Variants in XYLT1 observed in about 807,000 individuals in gnomAD.
The protein encoded by XYLT1 is xylosyltransferase 1, also known as beta-D-xylosyltransferase 1.
A neutral mutation model predicts 91.3 loss-of-function variants in XYLT1; 36 were observed. The ratio of observed to expected loss-of-function variants is 0.39; its 90% confidence interval spans 0.30 to 0.52. The LOEUF (loss-of-function observed/expected upper bound fraction) is 0.52. Among genes scored for constraint, XYLT1 ranks in the 20% least tolerant of loss-of-function variants. The pLI is 0.68. For synonymous variants in XYLT1, 588 were observed against 532.0 expected, an observed-to-expected ratio of 1.11 and a Z score of -1.45; for missense variants, 1,242 against 1,284.5, an observed-to-expected ratio of 0.97 and a Z score of 0.51.
chr16:17,390,967 G>A (rs553020214), intron 1 of XYLT1, among the ~76,000 whole-genome samples: 2 of 152,304 alleles, frequency 1.3e-5, no homozygotes, highest in South Asian at 4.1e-4. Context: ...GAACCTGGGA[G>A]ATAGAGGTTG....
chr16:17,450,367 A>C (rs1340161726), intron 1 of XYLT1, among the ~76,000 whole-genome samples: 3 of 150,886 alleles, frequency 2.0e-5, no homozygotes, highest in African/African-American at 7.3e-5. Flanking sequence ...ACAAACAAAA[A>C]AAAAAAGGTG....
At chr16:17,232,116 A>G (rs1268961121) in intron 3 of XYLT1, among the ~76,000 whole-genome samples, 2 of 145,130 alleles carry the variant, frequency 1.4e-5, no homozygotes, top group East Asian at 3.9e-4. Flanking sequence ...ATCGATAATT[A>G]TATATATTAT....
At chr16:17,241,245 G>A (rs1387316805) in intron 3 of XYLT1, among the ~76,000 whole-genome samples, 1 of 152,226 alleles carries the variant, frequency 6.6e-6, no homozygotes, top group Non-Finnish European at 1.5e-5. Context: ...TGCAGTTCCT[G>A]TGTTCACGGC....
At chr16:17,436,719 A>G (rs758132954) in intron 1 of XYLT1, among the ~76,000 whole-genome samples, 17 of 152,258 alleles carry the variant, frequency 1.1e-4, no homozygotes, top group Non-Finnish European at 2.1e-4. Flanking sequence ...CAATATGATT[A>G]AATGAGATGC....
At chr16:17,215,231 C>T (rs748266728) in intron 3 of XYLT1, among the ~76,000 whole-genome samples, 2 of 152,188 alleles carry the variant, frequency 1.3e-5, no homozygotes, top group African/African-American at 2.4e-5. Context: ...TGGTAGGCAC[C>T]TGTAATCCCA....
chr16:17,173,993 C>T (rs2031884972), intron 5 of XYLT1, among the ~76,000 whole-genome samples: 1 of 152,030 alleles, frequency 6.6e-6, no homozygotes, highest in Non-Finnish European at 1.5e-5. Context: ...TGGCAGGCTT[C>T]CCCAGGCTGC....
chr16:17,411,720 A>C (rs1421113255), intron 1 of XYLT1, among the ~76,000 whole-genome samples: 1 of 152,180 alleles, frequency 6.6e-6, no homozygotes, highest in East Asian at 1.9e-4. Context: ...GTTGTGGTAC[A>C]TTCGGCTTCA....
intron 1 of XYLT1, among the ~76,000 whole-genome samples, chr16:17,372,977 T>A (rs1231074368): frequency 6.6e-6 from 1 of 152,194 alleles, no homozygotes; most frequent in Non-Finnish European, 1.5e-5. Flanking sequence ...TCTAACACGT[T>A]CTTGACCTCA....
chr16:17,153,884 C>T (rs887495666), intron 6 of XYLT1, among the ~76,000 whole-genome samples: 1 of 152,136 alleles, frequency 6.6e-6, no homozygotes, highest in Non-Finnish European at 1.5e-5. Flanking sequence ...CTGCACACCT[C>T]GAGAGCGTAA....
rs141328796 is a variant in XYLT1 at position 17,122,067 on chromosome 16, C to A, written c.2224-4088G>T. Among the ~76,000 whole-genome samples, 473 of 152,152 alleles carry A rather than the reference C, an allele frequency of 3.1e-3. 1 individual carries two copies. Among genetic ancestry groups the A allele is most frequent in the Middle Eastern group, 0.01 (3 of 294 alleles). On this transcript the variant is annotated intron_variant, in intron 10 of 11. Coordinates refer to ENST00000261381, the MANE Select transcript of XYLT1 (RefSeq NM_022166.4). ...TGTGAATTGTGCTGCTATAAACATGCGTGTGCAAGAATCTTTTTTGTATAA... is the reference window on the plus strand; with the variant it reads ...TGTGAATTGTGCTGCTATAAACATGAGTGTGCAAGAATCTTTTTTGTATAA...
intron 6 of XYLT1, among the ~76,000 whole-genome samples, chr16:17,155,526 C>A (rs2031384864): frequency 6.6e-6 from 1 of 152,212 alleles, no homozygotes; most frequent in Non-Finnish European, 1.5e-5. Flanking sequence ...AGAACTTGAG[C>A]AAGCCACGCC....
chr16:17,413,050 G>C (rs2036132401), intron 1 of XYLT1, among the ~76,000 whole-genome samples: 1 of 152,176 alleles, frequency 6.6e-6, no homozygotes, highest in South Asian at 2.1e-4. Context: ...CCACAAGCTG[G>C]ATGAGGTCAA....
chr16:17,454,900 T>TACTCC (rs1567209169), intron 1 of XYLT1, among the ~76,000 whole-genome samples: 1 of 81,104 alleles, frequency 1.2e-5, no homozygotes, highest in Non-Finnish European at 2.2e-5. Flanking sequence ...TATCATTCTT[T>TACTCC]CCTCCCCCCC....
intron 1 of XYLT1, among the ~76,000 whole-genome samples, chr16:17,454,512 C>G (rs2036709440): frequency 6.6e-6 from 1 of 151,558 alleles, no homozygotes; most frequent in Non-Finnish European, 1.5e-5. Flanking sequence ...TGGCTGTGTT[C>G]CAATAAAGCT....
chr16:17,201,550 T>C (rs147263541), intron 3 of XYLT1, among the ~76,000 whole-genome samples: 201 of 151,748 alleles, frequency 1.3e-3, no homozygotes, highest in African/African-American at 4.6e-3. Flanking sequence ...TCTTGGCTCA[T>C]TGCAACCTCC....
intron 2 of XYLT1, among the ~76,000 whole-genome samples, chr16:17,336,766 T>A (rs933901127): frequency 6.6e-6 from 1 of 152,168 alleles, no homozygotes; most frequent in East Asian, 1.9e-4. Context: ...ACAGGGACTT[T>A]CGTATGTGTG....
rs550834189 is a variant in XYLT1 at position 17,189,873 on chromosome 16, C to A, written c.1289+8339G>T. On this transcript the variant is annotated intron_variant, in intron 5 of 11. Transcript: ENST00000261381. ...ACCAGACTGACCAACATGGTGAAAC[C>A]CCATCTCTACTAAAAATACAAAATT... 3.2e-3 allele frequency among the ~76,000 whole-genome samples: 488 copies of A among 152,110 alleles called. 4 individuals are homozygous for A. The highest frequency in any genetic ancestry group is 5.8e-3 in the Non-Finnish European group (394 of 67,962).
At chr16:17,304,173 A>G (rs1242060690) in intron 2 of XYLT1, among the ~76,000 whole-genome samples, 1 of 152,162 alleles carries the variant, frequency 6.6e-6, no homozygotes, top group Non-Finnish European at 1.5e-5. Flanking sequence ...TGAAGGGAAA[A>G]AAAAGTAGAT....
intron 2 of XYLT1, among the ~76,000 whole-genome samples, chr16:17,340,610 A>T (rs2035052413): frequency 6.6e-6 from 1 of 152,212 alleles, no homozygotes; most frequent in African/African-American, 2.4e-5. Context: ...CACTCTCTAT[A>T]TGACCTTGGG....
Sources: gnomAD v4.1 joint callset for allele counts (sites outside exome capture counted in the v4.1 genomes callset) on GRCh38, gnomAD v4.1.1 for gene constraint, MANE v1.5 for transcripts, NCBI Gene and HGNC (gene_info 2026-07-23, HGNC 2026-07-21) for gene names.